Variants in RBFOX1 observed in about 807,000 individuals in gnomAD.
The protein encoded by RBFOX1 is RNA binding protein fox-1 homolog 1.
Under a neutral mutation model 57.7 loss-of-function variants are expected in RBFOX1, and 8 were observed. The observed-to-expected ratio is 0.14, with a 90% CI of 0.08 to 0.25. The LOEUF is 0.25. Ranked by LOEUF, RBFOX1 falls within the 10% of genes least tolerant of loss-of-function variation. RBFOX1 has a pLI of 1.00. For missense variants in RBFOX1, 611 were observed against 548.5 expected (o/e 1.11, Z -1.14); for synonymous variants, 326 against 222.4 (o/e 1.47, Z -4.15).
intron 4 of RBFOX1, among the ~76,000 whole-genome samples, chr16:7,358,044 C>G (rs1021151635): frequency 9.2e-5 from 14 of 152,280 alleles, no homozygotes; most frequent in Non-Finnish European, 1.8e-4. Flanking sequence ...TGAGCTCGAA[C>G]CAGCCTTGTA....
chr16:5,479,809 G>C (rs2069462134), intron 2 of RBFOX1, among the ~76,000 whole-genome samples: 1 of 151,994 alleles, frequency 6.6e-6, no homozygotes, highest in South Asian at 2.1e-4. Flanking sequence ...TGTATTCATG[G>C]TGGTCAGACG....
At chr16:5,264,442 A>G (rs2062810682) in intron 1 of RBFOX1, among the ~76,000 whole-genome samples, 1 of 152,162 alleles carries the variant, frequency 6.6e-6, no homozygotes, top group African/African-American at 2.4e-5. Context: ...CGTCTGTATA[A>G]AATGTTCATG....
intron 3 of RBFOX1, among the ~76,000 whole-genome samples, chr16:6,670,638 A>C (rs2098758211): frequency 6.6e-6 from 1 of 152,204 alleles, no homozygotes; most frequent in East Asian, 1.9e-4. Flanking sequence ...TATCTACTAA[A>C]ATTAGCCAGG....
chr16:7,539,903 G>A (rs1377725798), intron 5 of RBFOX1, among the ~76,000 whole-genome samples: 1 of 152,226 alleles, frequency 6.6e-6, no homozygotes, highest in African/African-American at 2.4e-5. Flanking sequence ...CCTTTATGGA[G>A]AAGGCAGCCC....
At chr16:6,670,423 A>C (rs1476353114) in intron 3 of RBFOX1, among the ~76,000 whole-genome samples, 2 of 152,120 alleles carry the variant, frequency 1.3e-5, no homozygotes, top group African/African-American at 2.4e-5. Context: ...ATGTTGATTG[A>C]ATTCACCAAT....
At chr16:5,924,560 C>T (rs757218022) in intron 4 of RBFOX1, among the ~76,000 whole-genome samples, 4 of 152,102 alleles carry the variant, frequency 2.6e-5, no homozygotes, top group African/African-American at 4.8e-5. Flanking sequence ...CTGTACTCAC[C>T]AACTCCCCTT....
intron 2 of RBFOX1, among the ~76,000 whole-genome samples, chr16:6,346,767 G>C (rs150369490): frequency 1.3e-5 from 2 of 152,102 alleles, no homozygotes; most frequent in Admixed American, 6.5e-5. Context: ...AAATAACTTC[G>C]TAATTGAGGC....
At chr16:7,515,602 A>C (rs373661670) in intron 4 of RBFOX1, among the ~76,000 whole-genome samples, 1 of 152,170 alleles carries the variant, frequency 6.6e-6, no homozygotes, top group African/African-American at 2.4e-5. Context: ...TACACCTTAC[A>C]TGTATAATTT....
At chr16:6,299,603 C>T (rs963245463) in intron 1 of RBFOX1, among the ~76,000 whole-genome samples, 23 of 152,104 alleles carry the variant, frequency 1.5e-4, no homozygotes, top group Non-Finnish European at 2.5e-4. Context: ...TCACTCTCTA[C>T]CATTTGGCCA....
At chr16:6,500,456 C>G (rs983033739) in intron 2 of RBFOX1, among the ~76,000 whole-genome samples, 2 of 152,168 alleles carry the variant, frequency 1.3e-5, no homozygotes, top group African/African-American at 4.8e-5. Context: ...CAAATTGCAG[C>G]TCCAACACCT....
At chr16:7,056,429 A>G (rs146824904) in intron 4 of RBFOX1, among the ~76,000 whole-genome samples, 105 of 152,142 alleles carry the variant, frequency 6.9e-4, no homozygotes, top group African/African-American at 2.3e-3. Flanking sequence ...CTGTGCATTA[A>G]CCACTCCTGA....
chr16:6,839,877 T>C (rs11648361), intron 3 of RBFOX1, among the ~76,000 whole-genome samples: 10,264 of 152,294 alleles, frequency 0.067, 510 homozygotes, highest in Non-Finnish European at 0.11. Context: ...TCTTTTCCCC[T>C]CCCATCCCAT....
At chr16:5,872,619 C>T (rs2057502883) in intron 4 of RBFOX1, among the ~76,000 whole-genome samples, 1 of 151,836 alleles carries the variant, frequency 6.6e-6, no homozygotes, top group Non-Finnish European at 1.5e-5. Flanking sequence ...GTTTGTAGTC[C>T]CAGCTACTCA....
intron 2 of RBFOX1, among the ~76,000 whole-genome samples, chr16:6,455,596 C>G (rs901219979): frequency 2.6e-5 from 4 of 152,162 alleles, no homozygotes; most frequent in Non-Finnish European, 4.4e-5. Context: ...TTTTCCAAGA[C>G]CAGTAGTGCT....
intron 4 of RBFOX1, among the ~76,000 whole-genome samples, chr16:7,469,483 C>T (rs982407621): frequency 6.6e-6 from 1 of 152,152 alleles, no homozygotes; most frequent in Non-Finnish European, 1.5e-5. Context: ...TCTTGGGCCA[C>T]CTCAGCTCAT....
intron 4 of RBFOX1, among the ~76,000 whole-genome samples, chr16:7,346,222 T>A (rs2097001349): frequency 6.6e-6 from 1 of 152,072 alleles, no homozygotes; most frequent in African/African-American, 2.4e-5. Context: ...TAATCCAGTC[T>A]GTCATTGATG....
At chr16:7,388,418 A>G (rs893772268) in intron 4 of RBFOX1, among the ~76,000 whole-genome samples, 5 of 152,174 alleles carry the variant, frequency 3.3e-5, no homozygotes, top group Non-Finnish European at 5.9e-5. Context: ...TGTAGAGTGA[A>G]GTGTGCAATA....
intron 1 of RBFOX1, among the ~76,000 whole-genome samples, chr16:6,112,660 C>T (rs866295762): frequency 6.5e-4 from 99 of 151,670 alleles, no homozygotes; most frequent in African/African-American, 2.3e-3. Flanking sequence ...CATTGCACTC[C>T]AGCCTGGGCA....
chr16:6,020,704 G>A (rs1461429565), intron 1 of RBFOX1, among the ~76,000 whole-genome samples: 1 of 152,146 alleles, frequency 6.6e-6, no homozygotes, highest in African/African-American at 2.4e-5. Flanking sequence ...AGGCCAGGGG[G>A]GGGCTTGTCA....
Sources: gnomAD v4.1 joint callset for allele counts (sites outside exome capture counted in the v4.1 genomes callset) on GRCh38, gnomAD v4.1.1 for gene constraint, MANE v1.5 for transcripts, NCBI Gene and HGNC (gene_info 2026-07-23, HGNC 2026-07-21) for gene names.